The following ABCC8 variants were observed in gnomAD, a reference collection of about 807,000 sequenced individuals.
ABCC8 encodes ATP-binding cassette sub-family C member 8.
In ABCC8, 137 loss-of-function variants were observed where a neutral mutation model predicts 188.0. The observed-to-expected ratio is 0.73, with a 90% CI of 0.63 to 0.84. ABCC8 has a LOEUF of 0.84. Among genes scored for constraint, ABCC8 ranks in the 40% least tolerant of loss-of-function variants. The probability of loss-of-function intolerance (pLI) is 0.00; values close to 1 mark genes in which losing one functional copy is unlikely to be tolerated. For synonymous variants in ABCC8, 797 were observed against 846.5 expected, an observed-to-expected ratio of 0.94 and a Z score of 1.01; for missense variants, 1,750 against 2,072.7, an observed-to-expected ratio of 0.84 and a Z score of 3.02.
At chr11:17,475,098 A>G in intron 1 of ABCC8, 71 bp from the exon 2 acceptor site, 1 of 1,597,516 alleles carries the variant, frequency 6.3e-7, no homozygotes, top group Non-Finnish European at 8.5e-7. Flanking sequence ...TGAACCCCAG[A>G]AAGGTGCTTG....
At chr11:17,467,856 G>A (rs1848257467) in intron 3 of ABCC8, among the ~76,000 whole-genome samples, 2 of 152,376 alleles carry the variant, frequency 1.3e-5, no homozygotes, top group African/African-American at 4.8e-5. Flanking sequence ...GGGGAATGGA[G>A]GGAGTTAGTC....
intron 16 of ABCC8, among the ~76,000 whole-genome samples, chr11:17,422,150 A>T (rs1353594993): frequency 2.6e-5 from 4 of 152,178 alleles, no homozygotes; most frequent in Non-Finnish European, 5.9e-5. Flanking sequence ...GACTCTCAAC[A>T]CACAGCCCCC....
intron 1 of ABCC8, 42 bp from the exon 2 acceptor site, chr11:17,475,069 G>A (rs753806571): frequency 6.2e-7 from 1 of 1,612,306 alleles, no homozygotes; most frequent in Non-Finnish European, 8.5e-7. Context: ...CTGCCCACTT[G>A]GAGGAGGAAG....
intron 6 of ABCC8, among the ~76,000 whole-genome samples, chr11:17,454,838 C>T (rs1246851588): frequency 2.0e-5 from 3 of 152,174 alleles, no homozygotes; most frequent in Non-Finnish European, 2.9e-5. Flanking sequence ...GTCTAGGCCT[C>T]GTCCAGGCCT....
chr11:17,413,635 T>G, intron 19 of ABCC8, 157 bp from the exon 20 acceptor site: 1 of 1,454,260 alleles, frequency 6.9e-7, no homozygotes, highest in Admixed American at 1.9e-5. Flanking sequence ...CGTGTGAGCT[T>G]GAAAAGAGCT....
At position 17,398,008 on chromosome 11, in the gene ABCC8, C is replaced by T. The variant is rs146146731; in HGVS notation, c.3754-211G>A. The T allele has an allele frequency of 4.1e-4, 232 of 566,564 alleles. 1 individual carries two copies. In the African/African-American group the frequency reaches 4.5e-3, roughly 11 times the overall value. The allele number at this position is 566,564 out of a possible 1,614,324, so 35.1% of individuals were successfully genotyped here. A position where few individuals can be genotyped will look rare whatever the true frequency, so the allele number is the denominator to read the frequency against. On this transcript the variant is annotated intron_variant, in intron 30 of 38. Transcript: ENST00000389817. ...CCACAAGCTCATGCTCCCCTACCCCCTAGCCCCTGCACACCCTTTAACATG... is the reference window on the plus strand; with the variant it reads ...CCACAAGCTCATGCTCCCCTACCCCTTAGCCCCTGCACACCCTTTAACATG...
At chr11:17,393,424 AACATATAAGGCCTTGGG>A (rs1953732584) in intron 38 of ABCC8, among the ~76,000 whole-genome samples, 1 of 152,150 alleles carries the variant, frequency 6.6e-6, no homozygotes, top group Non-Finnish European at 1.5e-5. Flanking sequence ...ACGCCAGCCT[AACATATAAGGCCTTGGG>A]ACAGGGGCAG....
At position 17,413,435 on chromosome 11, in the gene ABCC8, C is replaced by T. The variant is rs146916682; in HGVS notation, c.2434G>A (p.Asp812Asn). ...IEACSLQPDI[D>N]ILPHGDQTQI... ...GTCTGGTCTCCATGGGGCAGGATGT[C>T]GATGTCTGGCTGCAGAGAGCAGGCT... Residue 812 changes from aspartate to asparagine, a missense_variant, in exon 20 of 39, where the codon GAC (aspartate) becomes AAC (asparagine). Coordinates refer to ENST00000389817, the MANE Select transcript of ABCC8 (RefSeq NM_000352.6). The T allele has an allele frequency of 5.0e-5, 81 of 1,614,128 alleles. No homozygotes were observed. In the East Asian group the frequency reaches 1.7e-3, roughly 33 times the overall value.
intron 17 of ABCC8, 170 bp from the exon 18 acceptor site, chr11:17,415,509 T>C: frequency 3.2e-6 from 3 of 949,354 alleles, no homozygotes; most frequent in Non-Finnish European, 3.8e-6. Context: ...GGTGTGCCCA[T>C]CTTGGGGAAG....
rs764753690 is a variant in ABCC8, at chr11:17,428,652, C to A, written c.1836G>T (p.Glu612Asp). The change falls in exon 13 of 39, where the codon GAG becomes GAT. Residue 612 changes from glutamate to aspartate, a missense_variant. Physicochemically the swap from Glu to Asp is conservative, Grantham distance 45. Transcript: ENST00000389817. ...KALVSVQKLS[E>D]FLSSAEIREE... ...CACGGATCTCTGCACTGGACAGGAA[C>A]TCGCTTAGCTTTTGCACGCTGCTCG... 10 of 1,613,552 alleles carry A rather than the reference C, an allele frequency of 6.2e-6. No homozygotes were observed. Among genetic ancestry groups the A allele is most frequent in the Middle Eastern group, 3.3e-4 (2 of 6,084 alleles).
intron 29 of ABCC8, among the ~76,000 whole-genome samples, chr11:17,402,309 G>T (rs978098517): frequency 6.6e-6 from 1 of 152,150 alleles, no homozygotes; most frequent in African/African-American, 2.4e-5. Context: ...ATAGTGTTTG[G>T]CACACAGGGG....
intron 16 of ABCC8, 86 bp from the exon 17 acceptor site, chr11:17,417,048 A>G: frequency 6.3e-6 from 10 of 1,597,630 alleles, no homozygotes; most frequent in Non-Finnish European, 8.5e-6. Context: ...GGGGAGAAGC[A>G]ATCCCCACCT....
At position 17,394,260 on chromosome 11, in the gene ABCC8, A is replaced by T; in HGVS notation, c.4545+6T>A. On this transcript the variant is annotated splice_donor_region_variant and intron_variant, in intron 37 of 38. Coordinates refer to ENST00000389817, the MANE Select transcript of ABCC8 (RefSeq NM_000352.6). ...CCATGGTCCCATGGAGGGGCCCAGGACCAACCGTGGCCATGTCAATGGAAG... is the reference window on the plus strand; with the variant it reads ...CCATGGTCCCATGGAGGGGCCCAGGTCCAACCGTGGCCATGTCAATGGAAG... The T allele has an allele frequency of 6.2e-7, 1 of 1,613,666 alleles. No homozygotes were observed. The highest frequency in any genetic ancestry group is 8.5e-7 in the Non-Finnish European group (1 of 1,179,922).
At chr11:17,466,600 A>G (rs1276231058) in intron 3 of ABCC8, among the ~76,000 whole-genome samples, 3 of 150,468 alleles carry the variant, frequency 2.0e-5, no homozygotes, top group Non-Finnish European at 4.4e-5. Context: ...TGATGGCTAC[A>G]CAGCACTGTG....
chr11:17,428,397 C>A lies in ABCC8; in HGVS notation c.1932G>T (p.Arg644Ser), dbSNP rs751584781. The A allele has an allele frequency of 1.4e-5, 22 of 1,612,958 alleles. 1 individual carries two copies. The highest frequency in any genetic ancestry group is 2.7e-5 in the African/African-American group (2 of 74,908). Reference sequence around the variant, plus strand: ...GGGCTGGACGCTTGCGGTTCACAACCCTGAGGGGCTGGGGGTGGTTTGGAG... The same window carrying A: ...GGGCTGGACGCTTGCGGTTCACAACACTGAGGGGCTGGGGGTGGTTTGGAG... Reference protein sequence around the residue: ...PASKYQAVPLRVVNRKRPARE... With the variant: ...PASKYQAVPLSVVNRKRPARE... Residue 644 changes from arginine to serine, a missense_variant, in exon 14 of 39, where the codon AGG becomes AGT. By Grantham distance (110) the Arg-to-Ser change is moderately radical. Transcript: ENST00000389817.
intron 19 of ABCC8, among the ~76,000 whole-genome samples, chr11:17,413,954 G>A (rs1591763346): frequency 6.6e-6 from 1 of 152,200 alleles, no homozygotes; most frequent in South Asian, 2.1e-4. Context: ...TGACAAACAT[G>A]TACTTAGGTG....
chr11:17,417,166 A>T (rs529249061), intron 16 of ABCC8: 1 of 710,792 alleles, frequency 1.4e-6, no homozygotes, highest in East Asian at 1.3e-4. Context: ...TACCCTCCAA[A>T]TAGCATGTGC....
At chr11:17,433,192 C>T (rs1394452276) in intron 10 of ABCC8, among the ~76,000 whole-genome samples, 1 of 151,996 alleles carries the variant, frequency 6.6e-6, no homozygotes, top group Non-Finnish European at 1.5e-5. Context: ...GAGAGAGCAG[C>T]CCCCCCATGG....
intron 12 of ABCC8, chr11:17,430,502 C>T: frequency 2.4e-6 from 1 of 414,100 alleles, no homozygotes; most frequent in South Asian, 2.2e-5. Flanking sequence ...GAAGTTAGGA[C>T]CAGTGGGTAG....
Sources: allele counts gnomAD v4.1 joint callset (sites outside exome capture counted in the v4.1 genomes callset), GRCh38; gene constraint gnomAD v4.1.1; transcripts MANE v1.5; gene names NCBI Gene and HGNC (gene_info 2026-07-23, HGNC 2026-07-21).